The following PDXDC1 variants were observed in gnomAD, a reference collection of about 807,000 sequenced individuals.
PDXDC1 encodes the protein pyridoxal dependent decarboxylase domain containing 1, also known as pyridoxal-dependent decarboxylase domain-containing protein 1.
A neutral mutation model predicts 100.1 loss-of-function variants in PDXDC1; 42 were observed. The ratio of observed to expected loss-of-function variants is 0.42; its 90% CI spans 0.33 to 0.54. The LOEUF (loss-of-function observed/expected upper bound fraction) is 0.54, where lower values mean the gene tolerates loss of function less well. Among genes scored for constraint, PDXDC1 ranks in the 20% least tolerant of loss-of-function variants. PDXDC1 has a pLI of 0.10. For missense variants in PDXDC1, 636 were observed against 979.2 expected (o/e 0.65, Z 4.68); for synonymous variants, 260 against 371.7 (o/e 0.70, Z 3.46).
chr16:15,044,220 C>A, intron 16 of PDXDC1: 1 of 697,072 alleles, frequency 1.4e-6, no homozygotes, highest in Non-Finnish European at 2.6e-6. Flanking sequence ...CTCTGTGCTG[C>A]TCCAAGTGGG....
At chr16:15,045,682 T>A (rs573998683) in intron 16 of PDXDC1, 4 of 152,334 alleles carry the variant, frequency 2.6e-5, no homozygotes, top group Middle Eastern at 6.8e-3. Context: ...ACACTGCGCA[T>A]TGCACAGTGA....
chr16:15,006,208 C>T (rs1300777747), intron 5 of PDXDC1, among the ~76,000 whole-genome samples, 186 bp from the exon 6 acceptor site: 2 of 152,286 alleles, frequency 1.3e-5, no homozygotes, highest in African/African-American at 4.8e-5. Flanking sequence ...TGTCTCGCTG[C>T]TTGGTAACCT....
At chr16:15,131,449 G>A (rs1329213314) in intron 16 of PDXDC1, 2 of 1,608,554 alleles carry the variant, frequency 1.2e-6, no homozygotes, top group Non-Finnish European at 1.7e-6. Context: ...CTAGGGGATG[G>A]AGAAGTGGCA....
chr16:14,983,489 C>T (rs1304952127), intron 1 of PDXDC1, among the ~76,000 whole-genome samples: 1 of 147,428 alleles, frequency 6.8e-6, no homozygotes, highest in Non-Finnish European at 1.5e-5. Context: ...AGGAGAATCG[C>T]TTGAACCCGG....
At chr16:15,082,863 G>C (rs1218324278) in intron 16 of PDXDC1, among the ~76,000 whole-genome samples, 2 of 152,160 alleles carry the variant, frequency 1.3e-5, no homozygotes, top group African/African-American at 2.4e-5. Context: ...GGAAGGCTTT[G>C]TCTTCAGGTT....
At chr16:15,097,468 CAAAAAAAAAAAAAAAA>C (rs71152407) in intron 16 of PDXDC1, among the ~76,000 whole-genome samples, 1 of 65,854 alleles carries the variant, frequency 1.5e-5, no homozygotes, top group Non-Finnish European at 2.6e-5. Context: ...ACTAAAAATA[CAAAAAAAAAAAAAAAA>C]AAAAAAAATG....
downstream of PDXDC1, chr16:15,040,185 C>T (rs1158658356): frequency 5.5e-6 from 3 of 541,964 alleles, no homozygotes; most frequent in East Asian, 9.2e-5. Context: ...AGAATGGCTC[C>T]TAAGTATCTG....
intron 16 of PDXDC1, chr16:15,135,070 A>G (rs2048284729): frequency 3.5e-6 from 2 of 579,448 alleles, no homozygotes. Flanking sequence ...TTGTCACTAG[A>G]GCATATGTGG....
chr16:14,993,183 G>T (rs1412535267), intron 1 of PDXDC1, among the ~76,000 whole-genome samples: 1 of 151,978 alleles, frequency 6.6e-6, no homozygotes, highest in African/African-American at 2.4e-5. Flanking sequence ...GGGTACGTGT[G>T]CACAACATGC....
At chr16:15,001,309 T>C (rs1475887306) in intron 3 of PDXDC1, among the ~76,000 whole-genome samples, 6 of 152,338 alleles carry the variant, frequency 3.9e-5, no homozygotes, top group Admixed American at 3.9e-4. Context: ...GCCAACATGG[T>C]GAAACCCCAT....
chr16:15,144,259 C>G (rs969340537), downstream of PDXDC1, among the ~76,000 whole-genome samples: 1 of 152,218 alleles, frequency 6.6e-6, no homozygotes, highest in Admixed American at 6.5e-5. Context: ...CTGGGCCAGC[C>G]GAGCCATGAC....
At position 15,018,871 on chromosome 16, in the gene PDXDC1, C is replaced by T. The variant is rs1454597312; in HGVS notation, c.995C>T (p.Pro332Leu). ...GTTGCTGGTCTTACATCAAATAAGC[C>T]CACAGACAAACTCCGTGCCCTGCCT... The part of the protein sequence containing the change: ...TLVAGLTSNK[P>L]TDKLRALPLW... The change falls in exon 12 of 23, where the codon CCC (proline) becomes CTC (leucine). Residue 332 changes from proline (P) to leucine (L), a missense_variant. By Grantham distance (98) the Pro-to-Leu change is moderately conservative. Coordinates refer to ENST00000396410, the MANE Select transcript of PDXDC1 (RefSeq NM_015027.4). The T allele has an allele frequency of 6.2e-7, 1 of 1,613,924 alleles. No homozygotes were observed. The highest frequency in any genetic ancestry group is 1.3e-5 in the African/African-American group (1 of 74,948).
intron 15 of PDXDC1, chr16:15,029,470 A>G (rs1396157654): frequency 5.8e-6 from 2 of 347,740 alleles, no homozygotes; most frequent in Non-Finnish European, 1.0e-5. Context: ...GTTGGCAGAT[A>G]AGTCCTGGTA....
intron 16 of PDXDC1, among the ~76,000 whole-genome samples, chr16:15,054,033 C>A (rs149282862): frequency 2.6e-5 from 4 of 152,296 alleles, no homozygotes; most frequent in South Asian, 2.1e-4. Context: ...TACAATCCAC[C>A]CCTGTAAGGT....
chr16:15,097,503 G>A (rs1455231994), intron 16 of PDXDC1, among the ~76,000 whole-genome samples: 1 of 148,624 alleles, frequency 6.7e-6, no homozygotes, highest in African/African-American at 2.5e-5. Flanking sequence ...TGTGCCGGGC[G>A]TGGTGGCAGG....
At chr16:15,104,288 A>C in intron 16 of PDXDC1, 1 of 1,450,126 alleles carries the variant, frequency 6.9e-7, no homozygotes, top group Non-Finnish European at 9.2e-7. Context: ...ATTGAAACAA[A>C]GCAATAACAT....
At chr16:14,980,692 G>A (rs1179130210) in intron 1 of PDXDC1, among the ~76,000 whole-genome samples, 1 of 152,268 alleles carries the variant, frequency 6.6e-6, no homozygotes, top group Non-Finnish European at 1.5e-5. Flanking sequence ...AGCCAGGATG[G>A]TCTCGATCTC....
intron 16 of PDXDC1, chr16:15,126,057 T>C (rs1160945711): frequency 1.1e-5 from 6 of 547,556 alleles, no homozygotes; most frequent in African/African-American, 3.8e-5. Context: ...TTTTCTTAGA[T>C]GGAGTCTCGC....
chr16:15,083,466 C>G (rs375122906), intron 16 of PDXDC1: 3 of 1,604,394 alleles, frequency 1.9e-6, no homozygotes, highest in Admixed American at 1.7e-5. Context: ...AAAATGAAAT[C>G]GTACAAACAA....
Sources: allele counts gnomAD v4.1 joint callset (sites outside exome capture counted in the v4.1 genomes callset), GRCh38; gene constraint gnomAD v4.1.1; transcripts MANE v1.5; gene names NCBI Gene and HGNC (gene_info 2026-07-23, HGNC 2026-07-21).